Variants in RBPJ observed in about 807,000 individuals in gnomAD.
RBPJ encodes the protein recombination signal binding protein for immunoglobulin kappa J region.
A neutral mutation model predicts 67.8 loss-of-function variants in RBPJ; 9 were observed. The observed-to-expected ratio is 0.13, with a 90% CI of 0.08 to 0.23. The LOEUF is 0.23. Ranked by LOEUF, RBPJ falls within the 10% of genes least tolerant of loss-of-function variation. The pLI, the probability that RBPJ is intolerant of heterozygous loss-of-function variation, is 1.00. For missense variants in RBPJ, 305 were observed against 595.6 expected, an observed-to-expected ratio of 0.51 and a Z score of 5.08; for synonymous variants, 198 against 203.3, an observed-to-expected ratio of 0.97 and a Z score of 0.22.
chr4:26,182,757 C>T (rs1200941372), intron 1 of RBPJ, among the ~76,000 whole-genome samples: 1 of 152,122 alleles, frequency 6.6e-6, no homozygotes, highest in Non-Finnish European at 1.5e-5. Flanking sequence ...CCTCAGCCTC[C>T]CAAAGTACTG....
intron 2 of RBPJ, among the ~76,000 whole-genome samples, chr4:26,401,358 C>T (rs1001632966): frequency 1.3e-5 from 2 of 152,234 alleles, no homozygotes; most frequent in African/African-American, 4.8e-5. Flanking sequence ...AATCCTCACT[C>T]TTCAGTATCA....
intron 1 of RBPJ, among the ~76,000 whole-genome samples, chr4:26,354,509 G>A (rs1183171659): frequency 2.0e-5 from 3 of 146,824 alleles, no homozygotes; most frequent in Non-Finnish European, 4.5e-5. Context: ...CAGTGCAGTG[G>A]TATGATCTCA....
At chr4:26,281,260 C>T (rs1246063634) in intron 1 of RBPJ, among the ~76,000 whole-genome samples, 1 of 150,632 alleles carries the variant, frequency 6.6e-6, no homozygotes, top group Non-Finnish European at 1.5e-5. Context: ...TTTGAGAATC[C>T]CTCTGCAGTT....
intron 1 of RBPJ, among the ~76,000 whole-genome samples, chr4:26,307,856 T>G (rs1722287074): frequency 6.6e-6 from 1 of 152,252 alleles, no homozygotes; most frequent in African/African-American, 2.4e-5. Flanking sequence ...TATAATTTAT[T>G]AACCATCCTT....
At chr4:26,316,340 T>C (rs1722612442), upstream of RBPJ, among the ~76,000 whole-genome samples, 1 of 147,358 alleles carries the variant, frequency 6.8e-6, no homozygotes, top group Non-Finnish European at 1.5e-5. Context: ...TATACATTCA[T>C]ATATACATAT....
intron 1 of RBPJ, among the ~76,000 whole-genome samples, chr4:26,360,719 C>G (rs575850125): frequency 2.0e-5 from 3 of 151,278 alleles, no homozygotes; most frequent in African/African-American, 7.3e-5. Context: ...GTAGCTGGGA[C>G]TACAGGTGCG....
chr4:26,343,685 T>TCCC (rs1420289063), intron 1 of RBPJ, among the ~76,000 whole-genome samples: 1 of 150,986 alleles, frequency 6.6e-6, no homozygotes, highest in East Asian at 1.9e-4. Flanking sequence ...GTACCTGGGA[T>TCCC]TACAGGTGTG....
chr4:26,322,517 G>A (rs1299524819), intron 1 of RBPJ, among the ~76,000 whole-genome samples: 2 of 152,046 alleles, frequency 1.3e-5, no homozygotes, highest in African/African-American at 4.8e-5. Flanking sequence ...CTGTAGATGC[G>A]TGACAACCCT....
chr4:26,143,993 T>G, the RBPJ span, among the ~76,000 whole-genome samples: 1 of 152,186 alleles, frequency 6.6e-6, no homozygotes, highest in Admixed American at 6.5e-5. Flanking sequence ...TCAAAAGACA[T>G]TATTGTAGAA....
intron 2 of RBPJ, among the ~76,000 whole-genome samples, chr4:26,393,751 A>G (rs1054194722): frequency 9.2e-5 from 14 of 151,698 alleles, no homozygotes; most frequent in South Asian, 4.2e-4. Flanking sequence ...AAATTTTAGT[A>G]TCTTTTATTT....
chr4:26,399,757 C>T (rs1254256845), intron 2 of RBPJ, among the ~76,000 whole-genome samples: 1 of 152,044 alleles, frequency 6.6e-6, no homozygotes, highest in East Asian at 1.9e-4. Context: ...GCGATCTTGG[C>T]TCACTGCAAC....
chr4:26,244,027 G>A (rs976237810), intron 1 of RBPJ, among the ~76,000 whole-genome samples: 2 of 151,844 alleles, frequency 1.3e-5, no homozygotes, highest in African/African-American at 4.8e-5. Flanking sequence ...CCCAGGAGGA[G>A]GAGGTTACAG....
chr4:26,257,720 T>C (rs748337927), intron 1 of RBPJ, among the ~76,000 whole-genome samples: 1 of 152,210 alleles, frequency 6.6e-6, no homozygotes, highest in Non-Finnish European at 1.5e-5. Context: ...TTCTTTTCCA[T>C]CACCAAAATG....
intron 3 of RBPJ, among the ~76,000 whole-genome samples, chr4:26,407,738 C>T (rs1281370461): frequency 6.6e-6 from 1 of 151,942 alleles, no homozygotes; most frequent in Non-Finnish European, 1.5e-5. Context: ...GAGATTGTGA[C>T]ATAAAGGAAA....
chr4:26,430,667 T>C lies in RBPJ; in HGVS notation c.1149-25T>C. 1 of 1,608,750 alleles carries C rather than the reference T, an allele frequency of 6.2e-7. No homozygotes were observed. The highest frequency in any genetic ancestry group is 8.5e-7 in the Non-Finnish European group (1 of 1,176,426). On this transcript the variant is annotated intron_variant, in intron 10 of 10. Transcript: ENST00000355476. The surrounding 1 kb of genome is among the most constrained non-coding windows in gnomAD (Gnocchi z 4.1). ...TGTACTTTGCTTTTTAAAGTGTTTT[T>C]AAGTGATTTCTATTTCCTCCTCAGG...
chr4:26,419,149 T>C (rs1473512970), intron 4 of RBPJ, among the ~76,000 whole-genome samples: 3 of 152,056 alleles, frequency 2.0e-5, no homozygotes, highest in African/African-American at 7.2e-5. Context: ...TGGATAATTT[T>C]TGTGTTTTTC....
At chr4:26,307,984 G>A (rs536107936) in intron 1 of RBPJ, among the ~76,000 whole-genome samples, 3 of 152,188 alleles carry the variant, frequency 2.0e-5, no homozygotes, top group South Asian at 4.2e-4. Flanking sequence ...CCTTTAAATA[G>A]AGTTTCTCTA....
the RBPJ span, among the ~76,000 whole-genome samples, chr4:26,143,756 G>A: frequency 1.3e-5 from 2 of 152,036 alleles, no homozygotes; most frequent in African/African-American, 2.4e-5. Flanking sequence ...GCAAAACCCC[G>A]TCTCTACAAA....
chr4:26,381,659 G>C (rs923145556), intron 1 of RBPJ, among the ~76,000 whole-genome samples: 1 of 152,144 alleles, frequency 6.6e-6, no homozygotes, highest in African/African-American at 2.4e-5. Context: ...GCCTTACTGG[G>C]TGGTGATGGT....
Sources: gnomAD v4.1 joint callset for allele counts (sites outside exome capture counted in the v4.1 genomes callset) on GRCh38, gnomAD v4.1.1 for gene constraint, Gnocchi (gnomAD v3.1) non-coding constraint, MANE v1.5 for transcripts, NCBI Gene and HGNC (gene_info 2026-07-23, HGNC 2026-07-21) for gene names.